The following ECE2 variants were observed in gnomAD, a reference collection of about 807,000 sequenced individuals.
The protein encoded by ECE2 is endothelin converting enzyme 2.
Under a neutral mutation model 100.6 loss-of-function variants are expected in ECE2, and 81 were observed. The ratio of observed to expected loss-of-function variants is 0.81; its 90% CI spans 0.67 to 0.97. The LOEUF (loss-of-function observed/expected upper bound fraction) is 0.97, where lower values mean the gene tolerates loss of function less well. ECE2 is among the 50% of genes least tolerant of loss of function. The pLI, the probability that ECE2 is intolerant of heterozygous loss-of-function variation, is 0.00. For missense variants in ECE2, 911 were observed against 988.1 expected, an observed-to-expected ratio of 0.92 and a Z score of 1.05; for synonymous variants, 391 against 391.5, an observed-to-expected ratio of 1.00 and a Z score of 0.02.
intron 9 of ECE2, 83 bp downstream of exon 9, chr3:184,285,188 GAAC>G (rs963380948): frequency 6.5e-6 from 10 of 1,531,686 alleles, no homozygotes; most frequent in Non-Finnish European, 8.8e-6. Flanking sequence ...CAGCCACACA[GAAC>G]AACATTTGGT....
chr3:184,285,681 T>G (rs1721009953), intron 10 of ECE2, 89 bp downstream of exon 10: 4 of 967,876 alleles, frequency 4.1e-6, no homozygotes, highest in Non-Finnish European at 6.6e-6. Context: ...TGCCTCATGG[T>G]GCACAGGTGC....
At position 184,277,961 on chromosome 3, in the gene ECE2, A is replaced by C; in HGVS notation, c.515A>C (p.Gln172Pro). ...TTCAACTCCAGCAGTGAAGCTGAGC[A>C]GAAGACACAGCGCTTCTACCTATCT... ...TTFNSSSEAE[Q>P]KTQRFYLSCL... is the part of the protein sequence containing the mutation. The change falls in exon 5 of 19, where the codon CAG becomes CCG. Residue 172 changes from glutamine to proline, a missense_variant. Physicochemically the swap from Gln to Pro is moderately conservative, Grantham distance 76. Coordinates refer to ENST00000404464, the MANE Select transcript of ECE2 (RefSeq NM_001100121.2). 2 of 1,613,304 alleles carry C rather than the reference A, an allele frequency of 1.2e-6. No individual in the cohort carries two copies. The highest frequency in any genetic ancestry group is 1.7e-6 in the Non-Finnish European group (2 of 1,180,030).
At chr3:184,276,278 C>T in intron 1 of ECE2, 86 bp downstream of exon 1, 1 of 1,423,540 alleles carries the variant, frequency 7.0e-7, no homozygotes, top group Non-Finnish European at 9.2e-7. Context: ...GCAGGCGGTG[C>T]CCGGCTCGCG....
At chr3:184,282,255 T>C (rs542274178) in intron 7 of ECE2, among the ~76,000 whole-genome samples, 2 of 152,330 alleles carry the variant, frequency 1.3e-5, no homozygotes, top group Admixed American at 1.3e-4. Context: ...TGACTGGGAT[T>C]GGTACTCAAA....
intron 7 of ECE2, among the ~76,000 whole-genome samples, chr3:184,281,632 CA>C (rs1413623706): frequency 2.6e-5 from 4 of 152,234 alleles, no homozygotes; most frequent in African/African-American, 4.8e-5. Flanking sequence ...TCATCTGAGT[CA>C]GGGGAGGAGA....
intron 3 of ECE2, 42 bp downstream of exon 3, chr3:184,277,069 G>T (rs778079812): frequency 7.4e-6 from 12 of 1,612,588 alleles, no homozygotes; most frequent in Non-Finnish European, 9.3e-6. Context: ...ATAACTAGGG[G>T]TTCTGGAGGC....
rs1407966369 is a variant in ECE2 at position 184,282,476 on chromosome 3, T to C, written c.817-1309T>C. Among the ~76,000 whole-genome samples the C allele has an allele frequency of 2.6e-5, 4 of 152,334 alleles. No individual in the cohort carries two copies. In the East Asian group the frequency reaches 5.8e-4, roughly 22 times the overall value. On this transcript the variant is annotated intron_variant, in intron 7 of 18. Transcript: ENST00000404464. ...TTAAGGGAATTGGCACAGAGCAGTGTTGAGTGTCTGTTTGCAGGTTTTCGC... is the reference window on the plus strand; with the variant it reads ...TTAAGGGAATTGGCACAGAGCAGTGCTGAGTGTCTGTTTGCAGGTTTTCGC...
At chr3:184,277,553 C>T (rs1001817) in intron 4 of ECE2, 87 bp downstream of exon 4, 698,706 of 1,398,066 alleles carry the variant, frequency 0.5, 176,446 homozygotes, top group Admixed American at 0.63. Context: ...AGGCAGTGTC[C>T]ATGAATGAGG....
In ECE2 at chr3:184,277,333, C is replaced by A. The variant is rs560297562; in HGVS notation, c.345C>A (p.Ser115Arg). The change falls in exon 4 of 19, where the codon AGC becomes AGA. Residue 115 changes from serine to arginine, a missense_variant. Coordinates refer to ENST00000404464, the MANE Select transcript of ECE2 (RefSeq NM_001100121.2). ...KILESLDRGVSPCEDFYQFSC... is the reference protein window; with the variant it reads ...KILESLDRGVRPCEDFYQFSC... ...TGGAGTCCCTGGACCGAGGGGTGAG[C>A]CCCTGTGAGGACTTTTACCAGTTCT... 14 of 1,614,246 alleles carry A rather than the reference C, an allele frequency of 8.7e-6. No individual in the cohort carries two copies. The South Asian group carries it at 1.3e-4, about 15-fold the overall frequency.
chr3:184,290,697 T>C, intron 15 of ECE2, 30 bp downstream of exon 15: 1 of 1,613,286 alleles, frequency 6.2e-7, no homozygotes, highest in Non-Finnish European at 8.5e-7. Context: ...GGCTGGGTGC[T>C]GGGGCCTGGG....
rs139791203 is a variant in ECE2 at position 184,284,971 on chromosome 3, G to A, written c.1014G>A (p.Ala338=). Residue 338 remains alanine (A), a synonymous_variant, in exon 9 of 19, where the codon GCG becomes GCA. Transcript: ENST00000404464. ...KMSISELQAL[A]PSMDWLEFLS... The stretch of plus-strand genomic sequence containing the variant: ...AGATTTTTTTCTTTCAGGCTCTGGC[G>A]CCCTCCATGGACTGGCTTGAGTTCC... The A allele has an allele frequency of 1.1e-4, 176 of 1,613,540 alleles. No homozygotes were observed. The African/African-American group carries it at 1.1e-3, about 10-fold the overall frequency.
intron 1 of ECE2, 38 bp downstream of exon 1, chr3:184,276,230 G>C: frequency 6.9e-7 from 1 of 1,446,612 alleles, no homozygotes; most frequent in East Asian, 2.5e-5. Context: ...AGGGGACTGG[G>C]TGGAGGGGGA....
chr3:184,291,528 A>T lies in ECE2; in HGVS notation c.2121+89A>T. 1 of 1,254,822 alleles carries T rather than the reference A, an allele frequency of 8.0e-7. No individual in the cohort carries two copies. The highest frequency in any genetic ancestry group is 2.6e-5 in the East Asian group (1 of 38,322). The allele number at this position is 1,254,822 out of a possible 1,614,324, so 77.7% of individuals were successfully genotyped here. ...TAGGAGAACTCTGGGGCACGTGTCA[A>T]ACGGGCTGGTGAATGGGGCTGAGGC... On this transcript the variant is annotated intron_variant, in intron 18 of 18. Coordinates refer to ENST00000404464, the MANE Select transcript of ECE2 (RefSeq NM_001100121.2). This position sits in a 1 kb window ranked among gnomAD's most constrained non-coding sequence, Gnocchi z 4.1.
Position 184,289,851 on chromosome 3 carries a change from A to G in ECE2, c.1551+133A>G, listed in dbSNP as rs112513425. The G allele has an allele frequency of 1.3e-5, 10 of 771,420 alleles. 1 individual carries two copies. Among genetic ancestry groups the G allele is most frequent in the African/African-American group, 1.0e-4 (6 of 57,322 alleles). The allele number at this position is 771,420 out of a possible 1,614,324, so 47.8% of individuals were successfully genotyped here. ...CTTTTAGAGGCAGATGGAGGTAACC[A>G]GCATTGTTAAAATGTTGGCTCTGTG... On this transcript the variant is annotated intron_variant, in intron 13 of 18. Coordinates refer to ENST00000404464, the MANE Select transcript of ECE2 (RefSeq NM_001100121.2). This position sits in a 1 kb window ranked among gnomAD's most constrained non-coding sequence, Gnocchi z 4.1.
Position 184,285,113 on chromosome 3 carries a change from G to C in ECE2, c.1148+8G>C, listed in dbSNP as rs1720978124. ...CAACCGCACGGAACCAAGGTGTGGG[G>C]GTAGCCCAGGGTGAGGGTGGGTTCT... On this transcript the variant is annotated splice_region_variant and intron_variant, in intron 9 of 18. Transcript: ENST00000404464. The C allele has an allele frequency of 6.2e-7, 1 of 1,612,468 alleles. No homozygotes were observed. The highest frequency in any genetic ancestry group is 1.3e-5 in the African/African-American group (1 of 74,894).
intron 4 of ECE2, 129 bp from the exon 5 acceptor site, chr3:184,277,796 C>A: frequency 2.8e-6 from 4 of 1,422,572 alleles, no homozygotes; most frequent in Non-Finnish European, 2.8e-6. Context: ...CTGTTTCAGA[C>A]ACTCTTCCTG....
intron 7 of ECE2, among the ~76,000 whole-genome samples, chr3:184,279,205 G>A (rs1266728949): frequency 2.0e-5 from 3 of 150,662 alleles, no homozygotes. Flanking sequence ...AACTACTCGG[G>A]AGGCTGAGAC....
At position 184,292,167 on chromosome 3, in the gene ECE2, G is replaced by A; in HGVS notation, c.2227G>A (p.Asp743Asn). The A allele has an allele frequency of 6.2e-7, 1 of 1,614,142 alleles. No individual in the cohort carries two copies. Among genetic ancestry groups the A allele is most frequent in the Non-Finnish European group, 8.5e-7 (1 of 1,180,024 alleles). ...GCTGGGCACTCTCTCCAACTCCCGT[G>A]ACTTCCTGCGGCACTTCGGCTGCCC... ...RVLGTLSNSR[D>N]FLRHFGCPVG... The change falls in exon 19 of 19, where the codon GAC (aspartate) becomes AAC (asparagine). Residue 743 changes from aspartate to asparagine, a missense_variant. By Grantham distance (23) the Asp-to-Asn change is conservative. Transcript: ENST00000404464.
At chr3:184,277,587 C>T in intron 4 of ECE2, 121 bp downstream of exon 4, 1 of 1,134,358 alleles carries the variant, frequency 8.8e-7, no homozygotes, top group Non-Finnish European at 1.2e-6. Flanking sequence ...TGTGAACACT[C>T]CAGAGGGTGG....
Sources: gnomAD v4.1 joint callset for allele counts (sites outside exome capture counted in the v4.1 genomes callset) on GRCh38, gnomAD v4.1.1 for gene constraint, Gnocchi (gnomAD v3.1) non-coding constraint, MANE v1.5 for transcripts, NCBI Gene and HGNC (gene_info 2026-07-23, HGNC 2026-07-21) for gene names.